The following CSMD1 variants were observed in gnomAD, a reference collection of about 807,000 sequenced individuals.
The protein encoded by CSMD1 is CUB and Sushi multiple domains 1.
Under a neutral mutation model 417.5 loss-of-function variants are expected in CSMD1, and 213 were observed. The ratio of observed to expected loss-of-function variants is 0.51; its 90% CI spans 0.46 to 0.57. The LOEUF (loss-of-function observed/expected upper bound fraction) is 0.57. Ranked by LOEUF, CSMD1 falls within the 20% of genes least tolerant of loss-of-function variation. CSMD1 has a pLI of 0.00. For missense variants in CSMD1, 6,923 were observed against 4,529.7 expected (o/e 1.53, Z -15.17); for synonymous variants, 2,862 against 1,736.8 (o/e 1.65, Z -16.11).
At chr8:4,018,212 G>A (rs1054891677) in intron 4 of CSMD1, among the ~76,000 whole-genome samples, 5 of 151,924 alleles carry the variant, frequency 3.3e-5, no homozygotes, top group South Asian at 2.1e-4. Flanking sequence ...ATATTTTCCA[G>A]AATTATATTT....
intron 7 of CSMD1, among the ~76,000 whole-genome samples, chr8:3,663,100 G>T (rs749164135): frequency 6.6e-6 from 1 of 152,112 alleles, no homozygotes; most frequent in East Asian, 1.9e-4. Flanking sequence ...AGAACTGCCC[G>T]CAATGAAGAC....
intron 12 of CSMD1, among the ~76,000 whole-genome samples, chr8:3,468,354 T>C (rs1816900767): frequency 6.6e-6 from 1 of 152,208 alleles, no homozygotes; most frequent in Non-Finnish European, 1.5e-5. Flanking sequence ...AGATTCACTA[T>C]ATTGTCTTTT....
chr8:4,588,693 A>G (rs1461009224), intron 2 of CSMD1, among the ~76,000 whole-genome samples: 2 of 151,828 alleles, frequency 1.3e-5, no homozygotes, highest in African/African-American at 4.8e-5. Flanking sequence ...GCTGAGGCAC[A>G]AGAATCGCTT....
intron 1 of CSMD1, among the ~76,000 whole-genome samples, chr8:4,741,684 T>C (rs539541374): frequency 6.6e-6 from 1 of 152,282 alleles, no homozygotes; most frequent in South Asian, 2.1e-4. Context: ...AATCACATCT[T>C]TTCCATTGTC....
intron 26 of CSMD1, among the ~76,000 whole-genome samples, chr8:3,273,819 T>G (rs946353833): frequency 6.6e-6 from 1 of 152,204 alleles, no homozygotes; most frequent in Non-Finnish European, 1.5e-5. Flanking sequence ...GATTCCTCTC[T>G]GTTTTTTTCT....
chr8:4,086,398 C>A (rs1477412954), intron 3 of CSMD1, among the ~76,000 whole-genome samples: 3 of 152,178 alleles, frequency 2.0e-5, no homozygotes, highest in African/African-American at 7.2e-5. Flanking sequence ...TACAGGCAGA[C>A]AGACTTGTAA....
intron 21 of CSMD1, among the ~76,000 whole-genome samples, chr8:3,353,933 A>T (rs924733): frequency 1.2e-3 from 183 of 152,108 alleles, no homozygotes; most frequent in African/African-American, 4.2e-3. Context: ...TGTACAAAGG[A>T]ATCTACCTGT....
chr8:4,871,026 C>G (rs888923894), intron 1 of CSMD1, among the ~76,000 whole-genome samples: 3 of 152,106 alleles, frequency 2.0e-5, no homozygotes, highest in Non-Finnish European at 2.9e-5. Flanking sequence ...TGTGCTCACC[C>G]TGGGGAGCTG....
intron 1 of CSMD1, among the ~76,000 whole-genome samples, chr8:4,942,857 A>G (rs79092161): frequency 0.03 from 4,503 of 152,336 alleles, 212 homozygotes; most frequent in African/African-American, 0.1. Context: ...TGGGACCTTT[A>G]TTTGTATCCA....
intron 4 of CSMD1, among the ~76,000 whole-genome samples, chr8:4,014,922 C>T (rs539720196): frequency 4.1e-4 from 63 of 152,226 alleles, no homozygotes; most frequent in Non-Finnish European, 6.6e-4. Flanking sequence ...ATTTTTTAAG[C>T]CTGTTACAAG....
At chr8:4,480,099 A>G (rs1195222735) in intron 2 of CSMD1, among the ~76,000 whole-genome samples, 4 of 151,756 alleles carry the variant, frequency 2.6e-5, no homozygotes, top group Non-Finnish European at 5.9e-5. Context: ...AACCATGACC[A>G]GTTAAAAGGA....
chr8:3,379,622 A>C (rs1228346357), intron 18 of CSMD1, among the ~76,000 whole-genome samples: 1 of 152,214 alleles, frequency 6.6e-6, no homozygotes, highest in East Asian at 1.9e-4. Flanking sequence ...ACCTTTGACA[A>C]ATGTGATAAA....
At chr8:4,450,494 G>T (rs541107580) in intron 2 of CSMD1, among the ~76,000 whole-genome samples, 68 of 152,184 alleles carry the variant, frequency 4.5e-4, no homozygotes, top group Admixed American at 2.0e-4. Flanking sequence ...AATTATCTGC[G>T]TGTGGTGGTG....
intron 26 of CSMD1, among the ~76,000 whole-genome samples, chr8:3,238,143 A>T (rs1026185712): frequency 6.6e-6 from 1 of 151,790 alleles, no homozygotes; most frequent in Non-Finnish European, 1.5e-5. Flanking sequence ...GGGTACGTAA[A>T]GGAAAATTAC....
intron 2 of CSMD1, among the ~76,000 whole-genome samples, chr8:4,594,961 C>T (rs1457868314): frequency 6.6e-6 from 1 of 152,148 alleles, no homozygotes. Flanking sequence ...GAATGTTTTT[C>T]ATACTTGATG....
At chr8:4,221,231 T>C (rs1197877783) in intron 3 of CSMD1, among the ~76,000 whole-genome samples, 2 of 152,076 alleles carry the variant, frequency 1.3e-5, no homozygotes, top group African/African-American at 4.8e-5. Flanking sequence ...ACAACATATA[T>C]AAAATGAAAT....
intron 26 of CSMD1, among the ~76,000 whole-genome samples, chr8:3,273,204 C>T (rs1802002628): frequency 1.3e-5 from 2 of 150,636 alleles, no homozygotes; most frequent in South Asian, 4.2e-4. Context: ...TGGTTTTTGT[C>T]TTTGGTTCTG....
rs574109686 is a variant in CSMD1, at chr8:3,885,700, G to C, written c.818+112203C>G. On this transcript the variant is annotated intron_variant, in intron 5 of 69. Transcript: ENST00000635120. ...CTCAAGCTCACAGAAATGCACGTGTGAGCTCATGAAATTTCAGGCACTCAG... is the reference window on the plus strand; with the variant it reads ...CTCAAGCTCACAGAAATGCACGTGTCAGCTCATGAAATTTCAGGCACTCAG... Among the ~76,000 whole-genome samples, 46 of 152,150 alleles carry C rather than the reference G, an allele frequency of 3.0e-4. 1 individual carries two copies. The South Asian group carries it at 9.3e-3, about 31-fold the overall frequency.
At chr8:4,323,984 C>G (rs529322900) in intron 3 of CSMD1, among the ~76,000 whole-genome samples, 19 of 152,302 alleles carry the variant, frequency 1.2e-4, no homozygotes, top group African/African-American at 4.6e-4. Context: ...GCCTCAAGGA[C>G]TTCACTGTGA....
Sources: allele counts gnomAD v4.1 joint callset (sites outside exome capture counted in the v4.1 genomes callset), GRCh38; gene constraint gnomAD v4.1.1; transcripts MANE v1.5; gene names NCBI Gene and HGNC (gene_info 2026-07-23, HGNC 2026-07-21).